Variants in EXOC5 observed in about 807,000 individuals in gnomAD.
The protein encoded by EXOC5 is SEC10-like 1.
In EXOC5, 17 loss-of-function variants were observed where a neutral mutation model predicts 90.8. That is an observed-to-expected ratio of 0.19 (90% CI 0.13 to 0.28). The LOEUF (loss-of-function observed/expected upper bound fraction) is 0.28. Among genes scored for constraint, EXOC5 ranks in the 10% least tolerant of loss-of-function variants. EXOC5 has a pLI of 1.00. For missense variants in EXOC5, 569 were observed against 830.6 expected (o/e 0.69, Z 3.87); for synonymous variants, 260 against 270.0 (o/e 0.96, Z 0.36).
rs2139680161 is a variant in EXOC5, at chr14:57,268,786, C to T, written c.-138G>A. On this transcript the variant is annotated 5_prime_UTR_variant, in exon 1 of 18. The change creates a new upstream start codon in the 5' untranslated region. Transcript: ENST00000621441. ...CCGCTGCGGGCTCCCCAGCTCCCCACAGATCCCAGGAGGGGCGGGAGAGCG... is the reference window on the plus strand; with the variant it reads ...CCGCTGCGGGCTCCCCAGCTCCCCATAGATCCCAGGAGGGGCGGGAGAGCG... 2 of 1,428,858 alleles carry T rather than the reference C, an allele frequency of 1.4e-6. No homozygotes were observed. The highest frequency in any genetic ancestry group is 1.5e-5 in the South Asian group (1 of 68,904). The allele number at this position is 1,428,858 out of a possible 1,614,324, so 88.5% of individuals were successfully genotyped here. A position where few individuals can be genotyped will look rare whatever the true frequency, so the allele number is the denominator to read the frequency against.
intron 4 of EXOC5, among the ~76,000 whole-genome samples, chr14:57,240,931 C>T (rs1365763157): frequency 2.0e-5 from 3 of 152,066 alleles, no homozygotes; most frequent in Non-Finnish European, 4.4e-5. Flanking sequence ...TGGCTCACTA[C>T]AATCTCCACC....
chr14:57,205,787 T>C lies in EXOC5; in HGVS notation c.*2822A>G, dbSNP rs935237227. ...ATCTACAATGTAATATAAATTAACC[T>C]AATTTAAATTAGATTTTAATTTAAC... is the stretch of plus-strand genomic sequence containing the variant. On this transcript the variant is annotated 3_prime_UTR_variant, in exon 18 of 18. Coordinates refer to ENST00000621441, the MANE Select transcript of EXOC5 (RefSeq NM_006544.4). 2 of 426,760 alleles carry C rather than the reference T, an allele frequency of 4.7e-6. No homozygotes were observed. Among genetic ancestry groups the C allele is most frequent in the Non-Finnish European group, 9.1e-6 (2 of 219,914 alleles). 26.4% of individuals were successfully genotyped at this position (426,760 alleles called of 1,614,324 possible).
intron 9 of EXOC5, 106 bp from the exon 10 acceptor site, chr14:57,232,855 G>A: frequency 1.9e-6 from 1 of 532,866 alleles, no homozygotes; most frequent in Non-Finnish European, 3.3e-6. Flanking sequence ...GAACCTTTCT[G>A]ACTTACAATC....
rs3742577 is a variant in EXOC5, at chr14:57,205,822, T to C, written c.*2787A>G. 89,812 of 440,934 alleles carry C rather than the reference T, an allele frequency of 0.2. 16,945 individuals carry two copies. Among genetic ancestry groups the C allele is most frequent in the African/African-American group, 0.72 (35,238 of 48,764 alleles). 27.3% of individuals were successfully genotyped at this position (440,934 alleles called of 1,614,324 possible). ...TAGATTTTAATTTAACCTACTTTGATAGTTTTTTAAAACAAGGAAGATCCT... is the reference window on the plus strand; with the variant it reads ...TAGATTTTAATTTAACCTACTTTGACAGTTTTTTAAAACAAGGAAGATCCT... On this transcript the variant is annotated 3_prime_UTR_variant, in exon 18 of 18. Coordinates refer to ENST00000621441, the MANE Select transcript of EXOC5 (RefSeq NM_006544.4).
rs920084022 is a variant in EXOC5, at chr14:57,205,730, T to C, written c.*2879A>G. ...AGGCTAGTATTTAGAAAGCAAAATATTTAGAAGTGAAAGAGGGGGGAAAAA... is the reference window on the plus strand; with the variant it reads ...AGGCTAGTATTTAGAAAGCAAAATACTTAGAAGTGAAAGAGGGGGGAAAAA... On this transcript the variant is annotated 3_prime_UTR_variant, in exon 18 of 18. Transcript: ENST00000621441. 2 of 381,800 alleles carry C rather than the reference T, an allele frequency of 5.2e-6. No homozygotes were observed. The highest frequency in any genetic ancestry group is 2.0e-5 in the South Asian group (1 of 49,896). 23.7% of individuals were successfully genotyped at this position (381,800 alleles called of 1,614,324 possible).
rs1882711066 is a variant in EXOC5 at position 57,208,087 on chromosome 14, G to T, written c.*522C>A. The T allele has an allele frequency of 6.6e-6, 1 of 152,318 alleles. No individual in the cohort carries two copies. Among genetic ancestry groups the T allele is most frequent in the South Asian group, 2.1e-4 (1 of 4,828 alleles). The allele number at this position is 152,318 out of a possible 1,614,324, so 9.4% of individuals were successfully genotyped here. A position where few individuals can be genotyped will look rare whatever the true frequency, so the allele number is the denominator to read the frequency against. On this transcript the variant is annotated 3_prime_UTR_variant, in exon 18 of 18. Transcript: ENST00000621441. Reference sequence around the variant, plus strand: ...CCAACTGCAGAAAGTATGCTTAATTGTTAACCTTTTGAAAGAGGCAAAAAA... The same window carrying T: ...CCAACTGCAGAAAGTATGCTTAATTTTTAACCTTTTGAAAGAGGCAAAAAA...
At chr14:57,211,710 T>C (rs1250741793) in intron 15 of EXOC5, 1 of 152,194 alleles carries the variant, frequency 6.6e-6, no homozygotes, top group Non-Finnish European at 1.5e-5. Flanking sequence ...CCGTCTCTAC[T>C]AAAAATACAA....
chr14:57,241,317 CCAAA>C, intron 4 of EXOC5, among the ~76,000 whole-genome samples: 1 of 152,286 alleles, frequency 6.6e-6, no homozygotes, highest in South Asian at 2.1e-4. Flanking sequence ...TTTTCAACTA[CCAAA>C]CACTCACTCT....
At chr14:57,212,718 A>C (rs2139609729) in intron 15 of EXOC5, among the ~76,000 whole-genome samples, 1 of 152,312 alleles carries the variant, frequency 6.6e-6, no homozygotes, top group Middle Eastern at 3.4e-3. Flanking sequence ...GCTTTATCAC[A>C]ACAAACCTTT....
chr14:57,228,429 C>T (rs187784201), intron 12 of EXOC5, among the ~76,000 whole-genome samples: 5 of 152,138 alleles, frequency 3.3e-5, no homozygotes, highest in South Asian at 2.1e-4. Context: ...GCACTATTCA[C>T]GATAGCAAAG....
At chr14:57,218,337 G>A (rs923048063) in intron 14 of EXOC5, among the ~76,000 whole-genome samples, 6 of 152,010 alleles carry the variant, frequency 3.9e-5, no homozygotes, top group Non-Finnish European at 8.8e-5. Flanking sequence ...TCTCTGAGGA[G>A]ACATCTCTCA....
chr14:57,263,739 T>TAAAA lies in EXOC5; in HGVS notation c.27+4879_27+4882dup, dbSNP rs550651836. Among the ~76,000 whole-genome samples the TAAAA allele has an allele frequency of 4.9e-3, 192 of 39,336 alleles. 3 individuals carry two copies. The highest frequency in any genetic ancestry group is 0.014 in the African/African-American group (187 of 13,024). 25.8% of individuals were successfully genotyped at this position (39,336 alleles called of 152,430 possible). A position where few individuals can be genotyped will look rare whatever the true frequency, so the allele number is the denominator to read the frequency against. On this transcript the variant is annotated intron_variant, in intron 1 of 17. Transcript: ENST00000621441. The stretch of plus-strand genomic sequence containing the variant: ...GAGATCACGCCACTGCACTCCAGCC[T>TAAAA]AAAAAAAAAAAAAAAAAAAAAAAGC...
At chr14:57,230,287 C>T (rs1197768653) in intron 11 of EXOC5, among the ~76,000 whole-genome samples, 2 of 152,078 alleles carry the variant, frequency 1.3e-5, no homozygotes, top group Admixed American at 1.3e-4. Context: ...CACATTTATT[C>T]ATGATATTAA....
chr14:57,208,404 A>C lies in EXOC5; in HGVS notation c.*205T>G, dbSNP rs2139604323. On this transcript the variant is annotated 3_prime_UTR_variant, in exon 18 of 18. Transcript: ENST00000621441. Reference sequence around the variant, plus strand: ...GAATTAAAATTCAATGTGAGGGGAAAAAAGCAAAATATAGCTAGTGGTATC... The same window carrying C: ...GAATTAAAATTCAATGTGAGGGGAACAAAGCAAAATATAGCTAGTGGTATC... 1 of 403,030 alleles carries C rather than the reference A, an allele frequency of 2.5e-6. No individual in the cohort carries two copies. The highest frequency in any genetic ancestry group is 1.1e-4 in the South Asian group (1 of 9,028). The allele number at this position is 403,030 out of a possible 1,614,324, so 25.0% of individuals were successfully genotyped here.
rs769757135 is a variant in EXOC5 at position 57,205,478 on chromosome 14, T to G, written c.*3131A>C. 3 of 175,464 alleles carry G rather than the reference T, an allele frequency of 1.7e-5. No homozygotes were observed. Among genetic ancestry groups the G allele is most frequent in the Non-Finnish European group, 3.6e-5 (3 of 83,736 alleles). 10.9% of individuals were successfully genotyped at this position (175,464 alleles called of 1,614,324 possible). Reference sequence around the variant, plus strand: ...AGTCACCAACAAATTATGTACTGACTGAACTGCTGTCTCTCAAACACAGTT... The same window carrying G: ...AGTCACCAACAAATTATGTACTGACGGAACTGCTGTCTCTCAAACACAGTT... On this transcript the variant is annotated 3_prime_UTR_variant, in exon 18 of 18. Transcript: ENST00000621441.
At chr14:57,252,682 G>A (rs1884229007) in intron 1 of EXOC5, among the ~76,000 whole-genome samples, 1 of 152,022 alleles carries the variant, frequency 6.6e-6, no homozygotes, top group Non-Finnish European at 1.5e-5. Context: ...GCACACTGTT[G>A]GTGGGAATGT....
At position 57,238,320 on chromosome 14, in the gene EXOC5, CTTGGAG is replaced by C. The variant is rs368803265; in HGVS notation, c.531-960_531-955del. Among the ~76,000 whole-genome samples, 407 of 123,614 alleles carry C rather than the reference CTTGGAG, an allele frequency of 3.3e-3. 7 individuals carry two copies. The highest frequency in any genetic ancestry group is 2.3e-3 in the Non-Finnish European group (141 of 60,986). 81.1% of individuals were successfully genotyped at this position (123,614 alleles called of 152,430 possible). ...TTTTGTTTTGGCCTCTTCACCAAGC[CTTGGAG>C]TTGAATATATATCCTAATTAGACAT... On this transcript the variant is annotated intron_variant, in intron 5 of 17. Coordinates refer to ENST00000621441, the MANE Select transcript of EXOC5 (RefSeq NM_006544.4).
chr14:57,218,147 A>C, intron 14 of EXOC5, 79 bp from the exon 15 acceptor site: 1 of 650,354 alleles, frequency 1.5e-6, no homozygotes, highest in Admixed American at 2.8e-5. Context: ...ACCTATGTGT[A>C]TTACATTATA....
chr14:57,215,948 T>C (rs989273382), intron 15 of EXOC5, among the ~76,000 whole-genome samples: 1 of 151,954 alleles, frequency 6.6e-6, no homozygotes, highest in Non-Finnish European at 1.5e-5. Context: ...CATCAAAAAA[T>C]AGAACTAATA....
Sources: allele counts gnomAD v4.1 joint callset (sites outside exome capture counted in the v4.1 genomes callset), GRCh38; gene constraint gnomAD v4.1.1; transcripts MANE v1.5; gene names NCBI Gene and HGNC (gene_info 2026-07-23, HGNC 2026-07-21).